Variants in FHOD3 observed in about 807,000 individuals in gnomAD.
FHOD3 encodes the protein formin homology 2 domain containing 3.
A neutral mutation model predicts 173.0 loss-of-function variants in FHOD3; 90 were observed. The observed-to-expected ratio is 0.52, with a 90% CI of 0.44 to 0.62. FHOD3 has a LOEUF of 0.62. Ranked by LOEUF, FHOD3 falls within the 20% of genes least tolerant of loss-of-function variation. The pLI is 0.00. For synonymous variants in FHOD3, 828 were observed against 823.0 expected, an observed-to-expected ratio of 1.01 and a Z score of -0.10; for missense variants, 1,945 against 2,034.7, an observed-to-expected ratio of 0.96 and a Z score of 0.85.
intron 10 of FHOD3, among the ~76,000 whole-genome samples, chr18:36,630,531 C>T (rs1336493077): frequency 6.6e-6 from 1 of 152,194 alleles, no homozygotes; most frequent in African/African-American, 2.4e-5. Flanking sequence ...TCATACACAT[C>T]CATCACTCCA....
At chr18:36,352,473 C>T (rs1385966339) in intron 1 of FHOD3, among the ~76,000 whole-genome samples, 1 of 152,176 alleles carries the variant, frequency 6.6e-6, no homozygotes, top group African/African-American at 2.4e-5. Flanking sequence ...TGCTGCACAC[C>T]TCTTTCTAAC....
At chr18:36,726,172 TATAA>T (rs2041056647) in intron 19 of FHOD3, among the ~76,000 whole-genome samples, 1 of 150,784 alleles carries the variant, frequency 6.6e-6, no homozygotes, top group Non-Finnish European at 1.5e-5. Context: ...ATGTTACATA[TATAA>T]ATATATATAA....
chr18:36,444,621 A>C (rs2051359643), intron 3 of FHOD3, among the ~76,000 whole-genome samples: 1 of 151,622 alleles, frequency 6.6e-6, no homozygotes, highest in South Asian at 2.1e-4. Context: ...TCATTCTGTT[A>C]TTTCTTATTG....
chr18:36,768,050 G>A (rs1263376917), intron 27 of FHOD3, among the ~76,000 whole-genome samples: 2 of 152,132 alleles, frequency 1.3e-5, no homozygotes, highest in Admixed American at 6.5e-5. Context: ...CCCTTGTGTT[G>A]TACTTTAGTC....
chr18:36,578,507 C>G (rs942481704), intron 6 of FHOD3, among the ~76,000 whole-genome samples: 1 of 152,174 alleles, frequency 6.6e-6, no homozygotes, highest in Non-Finnish European at 1.5e-5. Flanking sequence ...CACATGTGGT[C>G]TGCCCAGACT....
At chr18:36,495,574 C>G (rs1310245141) in intron 3 of FHOD3, among the ~76,000 whole-genome samples, 1 of 152,194 alleles carries the variant, frequency 6.6e-6, no homozygotes, top group Non-Finnish European at 1.5e-5. Context: ...GTGGAATCTA[C>G]TTTATTTTGC....
At chr18:36,505,203 A>G (rs2055241764) in intron 4 of FHOD3, among the ~76,000 whole-genome samples, 1 of 152,238 alleles carries the variant, frequency 6.6e-6, no homozygotes, top group African/African-American at 2.4e-5. Context: ...AAAATGTCCA[A>G]AAGGAATGCA....
chr18:36,698,656 G>A (rs2039415657), intron 17 of FHOD3, among the ~76,000 whole-genome samples: 1 of 152,150 alleles, frequency 6.6e-6, no homozygotes, highest in South Asian at 2.1e-4. Context: ...CAGCTATTAG[G>A]TGTCAAGAGC....
At chr18:36,632,513 A>AT (rs932826043) in intron 10 of FHOD3, among the ~76,000 whole-genome samples, 1 of 152,018 alleles carries the variant, frequency 6.6e-6, no homozygotes, top group African/African-American at 2.4e-5. Flanking sequence ...TATTTTGACC[A>AT]TTTTTTCTGT....
At position 36,760,598 on chromosome 18, in the gene FHOD3, G is replaced by C; in HGVS notation, c.4450-10G>C. The C allele has an allele frequency of 1.3e-6, 2 of 1,554,010 alleles. No homozygotes were observed. Among genetic ancestry groups the C allele is most frequent in the Non-Finnish European group, 1.7e-6 (2 of 1,144,660 alleles). On this transcript the variant is annotated splice_polypyrimidine_tract_variant and intron_variant, in intron 26 of 28. Coordinates refer to ENST00000590592, the MANE Select transcript of FHOD3 (RefSeq NM_001281740.3). ...CTCCCTCACCTGCTAACTTCCCCTTGGTTTTGCAGTCTGGCAAGTTCTCCG... is the reference window on the plus strand; with the variant it reads ...CTCCCTCACCTGCTAACTTCCCCTTCGTTTTGCAGTCTGGCAAGTTCTCCG...
intron 3 of FHOD3, among the ~76,000 whole-genome samples, chr18:36,495,557 A>C (rs2054702034): frequency 6.6e-6 from 1 of 152,172 alleles, no homozygotes; most frequent in South Asian, 2.1e-4. Flanking sequence ...CCCCTTCTGC[A>C]CCACATGTGG....
chr18:36,408,477 G>A (rs2049178128), intron 3 of FHOD3, among the ~76,000 whole-genome samples: 2 of 152,108 alleles, frequency 1.3e-5, no homozygotes, highest in Admixed American at 1.3e-4. Context: ...TGAAGGAGGT[G>A]TGAAGGGCAT....
intron 10 of FHOD3, among the ~76,000 whole-genome samples, chr18:36,630,559 A>G (rs2034442171): frequency 6.6e-6 from 1 of 152,198 alleles, no homozygotes; most frequent in African/African-American, 2.4e-5. Context: ...GACATAATGG[A>G]ATGTGACACC....
At chr18:36,488,986 G>A (rs1388564097) in intron 3 of FHOD3, among the ~76,000 whole-genome samples, 1 of 152,172 alleles carries the variant, frequency 6.6e-6, no homozygotes. Context: ...CTGGAGAATG[G>A]GGTGCTTAGC....
intron 3 of FHOD3, among the ~76,000 whole-genome samples, chr18:36,472,932 G>A (rs1353163618): frequency 3.9e-5 from 6 of 152,164 alleles, no homozygotes; most frequent in Non-Finnish European, 8.8e-5. Flanking sequence ...ATTGTTGTGA[G>A]CACTTTGCAT....
chr18:36,644,974 A>G (rs2035579089), intron 10 of FHOD3, among the ~76,000 whole-genome samples: 1 of 152,162 alleles, frequency 6.6e-6, no homozygotes, highest in Admixed American at 6.5e-5. Flanking sequence ...GGTGGAGGGC[A>G]TTTTGTGTGG....
chr18:36,410,256 A>G (rs2049287344), intron 3 of FHOD3, among the ~76,000 whole-genome samples: 1 of 152,206 alleles, frequency 6.6e-6, no homozygotes, highest in African/African-American at 2.4e-5. Context: ...TTTAAATAAA[A>G]TCATATATAG....
chr18:36,642,582 C>CAA (rs35920197), intron 10 of FHOD3, among the ~76,000 whole-genome samples: 122 of 61,550 alleles, frequency 2.0e-3, no homozygotes, highest in Non-Finnish European at 2.4e-3. Flanking sequence ...GACTCCGTCT[C>CAA]AAAAAAAAAA....
chr18:36,426,210 C>CA (rs1479740472), intron 3 of FHOD3, among the ~76,000 whole-genome samples: 5 of 152,242 alleles, frequency 3.3e-5, no homozygotes, highest in Admixed American at 6.5e-5. Flanking sequence ...GGCCTTCACA[C>CA]ACTATTTCAT....
Sources: gnomAD v4.1 joint callset for allele counts (sites outside exome capture counted in the v4.1 genomes callset) on GRCh38, gnomAD v4.1.1 for gene constraint, MANE v1.5 for transcripts, NCBI Gene and HGNC (gene_info 2026-07-23, HGNC 2026-07-21) for gene names.